Variants in ADCY2 observed in about 807,000 individuals in gnomAD.
ADCY2 encodes adenylate cyclase 2.
Under a neutral mutation model 125.2 loss-of-function variants are expected in ADCY2, and 31 were observed. The observed-to-expected ratio is 0.25, with a 90% CI of 0.19 to 0.33. The LOEUF (loss-of-function observed/expected upper bound fraction) is 0.33, where lower values mean the gene tolerates loss of function less well. Among genes scored for constraint, ADCY2 ranks in the 10% least tolerant of loss-of-function variants. The probability of loss-of-function intolerance (pLI) is 1.00; values close to 1 mark genes in which losing one functional copy is unlikely to be tolerated. For synonymous variants in ADCY2, 512 were observed against 548.4 expected, an observed-to-expected ratio of 0.93 and a Z score of 0.93; for missense variants, 904 against 1,418.2, an observed-to-expected ratio of 0.64 and a Z score of 5.82.
At chr5:7,617,288 A>G (rs1349370669) in intron 3 of ADCY2, among the ~76,000 whole-genome samples, 2 of 152,078 alleles carry the variant, frequency 1.3e-5, no homozygotes, top group Non-Finnish European at 2.9e-5. Flanking sequence ...TGTGTAAGTT[A>G]CCCAGTCTGT....
At chr5:7,574,590 C>A (rs1219375296) in intron 3 of ADCY2, among the ~76,000 whole-genome samples, 1 of 152,142 alleles carries the variant, frequency 6.6e-6, no homozygotes, top group East Asian at 1.9e-4. Context: ...TTAAAGCATC[C>A]TTAGGCAAAG....
chr5:7,777,044 T>C (rs1743753540), intron 18 of ADCY2, among the ~76,000 whole-genome samples: 1 of 136,908 alleles, frequency 7.3e-6, no homozygotes, highest in African/African-American at 2.7e-5. Flanking sequence ...TTCTCGGTAA[T>C]AAACTCCCTT....
At chr5:7,536,598 C>T (rs1734821389) in intron 3 of ADCY2, among the ~76,000 whole-genome samples, 1 of 152,142 alleles carries the variant, frequency 6.6e-6, no homozygotes, top group African/African-American at 2.4e-5. Context: ...ATTAGTTTCC[C>T]AACATTTTTA....
At chr5:7,716,558 C>T (rs1199764730) in intron 11 of ADCY2, among the ~76,000 whole-genome samples, 4 of 152,132 alleles carry the variant, frequency 2.6e-5, no homozygotes, top group Non-Finnish European at 5.9e-5. Flanking sequence ...CTTTACTATC[C>T]CAAAAACTTT....
At position 7,757,494 on chromosome 5, in the gene ADCY2, T is replaced by A. The variant is rs1560953294; in HGVS notation, c.2002T>A (p.Ser668Thr). 1 of 1,614,062 alleles carries A rather than the reference T, an allele frequency of 6.2e-7. No homozygotes were observed. The highest frequency in any genetic ancestry group is 8.5e-7 in the Non-Finnish European group (1 of 1,180,016). ...ASPLLMWLLK[S>T]SGIIANRPWP... ...TCCCCTGCTCATGTGGCTTTTGAAGTCCTCGGGCATCATTGCCAACCGCCC... is the reference window on the plus strand; with the variant it reads ...TCCCCTGCTCATGTGGCTTTTGAAGACCTCGGGCATCATTGCCAACCGCCC... Residue 668 changes from serine (S) to threonine (T), a missense_variant, in exon 16 of 25, where the codon TCC becomes ACC. This residue lies in a region of ADCY2 where 221 missense variants were observed against 246.2 expected (regional missense o/e 0.90). Transcript: ENST00000338316.
At chr5:7,483,378 A>G (rs1477922578) in intron 2 of ADCY2, among the ~76,000 whole-genome samples, 1 of 152,054 alleles carries the variant, frequency 6.6e-6, no homozygotes, top group Non-Finnish European at 1.5e-5. Context: ...TTCAGAGAAC[A>G]TGCTAGCCTT....
At chr5:7,712,777 A>G in intron 10 of ADCY2, 79 bp from the exon 11 acceptor site, 1 of 984,806 alleles carries the variant, frequency 1.0e-6, no homozygotes, top group Non-Finnish European at 1.6e-6. Context: ...AAAAGAGGAA[A>G]TATGTTTCAC....
intron 3 of ADCY2, among the ~76,000 whole-genome samples, chr5:7,621,326 G>A (rs1302460361): frequency 6.6e-6 from 1 of 152,140 alleles, no homozygotes; most frequent in Non-Finnish European, 1.5e-5. Flanking sequence ...AACTTTAAAT[G>A]ATGAAAGCAC....
intron 14 of ADCY2, among the ~76,000 whole-genome samples, chr5:7,738,983 A>G (rs997446254): frequency 1.3e-5 from 2 of 152,084 alleles, no homozygotes; most frequent in East Asian, 1.9e-4. Context: ...GATATTTAGT[A>G]TCTCTTTTCT....
At chr5:7,410,952 G>C (rs1368471026) in intron 1 of ADCY2, among the ~76,000 whole-genome samples, 3 of 152,082 alleles carry the variant, frequency 2.0e-5, no homozygotes, top group South Asian at 4.1e-4. Flanking sequence ...GGAGAGAGGA[G>C]AAGCTGTCAT....
intron 16 of ADCY2, among the ~76,000 whole-genome samples, chr5:7,761,726 CAA>C (rs975236330): frequency 6.6e-6 from 1 of 152,028 alleles, no homozygotes; most frequent in African/African-American, 2.4e-5. Flanking sequence ...AAATGAGAAA[CAA>C]ATCTGGTTTG....
At chr5:7,414,807 T>G in intron 2 of ADCY2, 37 bp downstream of exon 2, 2 of 1,552,690 alleles carry the variant, frequency 1.3e-6, no homozygotes, top group South Asian at 1.2e-5. Context: ...TTCTTTTATG[T>G]CTTGATTTGT....
chr5:7,600,531 G>A (rs1335365967), intron 3 of ADCY2, among the ~76,000 whole-genome samples: 1 of 152,184 alleles, frequency 6.6e-6, no homozygotes, highest in Non-Finnish European at 1.5e-5. Flanking sequence ...GGTCTCAGAG[G>A]GAGACGAAAG....
chr5:7,665,865 A>G (rs1221966723), intron 4 of ADCY2, among the ~76,000 whole-genome samples: 1 of 99,822 alleles, frequency 1.0e-5, no homozygotes, highest in African/African-American at 4.2e-5. Context: ...TTGAGACAGA[A>G]TCTCGCTCTG....
At chr5:7,667,638 C>A (rs1383026607) in intron 4 of ADCY2, among the ~76,000 whole-genome samples, 1 of 152,130 alleles carries the variant, frequency 6.6e-6, no homozygotes. Flanking sequence ...ATGAGGTAAC[C>A]ATTGTATATG....
At chr5:7,809,438 G>A (rs1744864260) in intron 22 of ADCY2, among the ~76,000 whole-genome samples, 1 of 152,230 alleles carries the variant, frequency 6.6e-6, no homozygotes, top group African/African-American at 2.4e-5. Flanking sequence ...AGAAATGAAT[G>A]TCACTTTTAC....
At chr5:7,780,440 C>T (rs1743881606) in intron 18 of ADCY2, among the ~76,000 whole-genome samples, 1 of 152,046 alleles carries the variant, frequency 6.6e-6, no homozygotes, top group African/African-American at 2.4e-5. Context: ...AATGGTGTAA[C>T]CAGAGGCAGG....
intron 2 of ADCY2, among the ~76,000 whole-genome samples, chr5:7,497,425 T>A (rs1336203265): frequency 6.6e-6 from 1 of 152,172 alleles, no homozygotes; most frequent in African/African-American, 2.4e-5. Flanking sequence ...TCAAAAAAAG[T>A]GTTAGCTAAC....
Position 7,452,503 on chromosome 5 carries a change from T to C in ADCY2, c.408+37733T>C, listed in dbSNP as rs145777713. Among the ~76,000 whole-genome samples, 248 of 152,368 alleles carry C rather than the reference T, an allele frequency of 1.6e-3. 2 individuals carry two copies. Among genetic ancestry groups the C allele is most frequent in the Non-Finnish European group, 2.6e-3 (180 of 68,030 alleles). On this transcript the variant is annotated intron_variant, in intron 2 of 24. Coordinates refer to ENST00000338316, the MANE Select transcript of ADCY2 (RefSeq NM_020546.3). ...CACATTTTCTTTAACCACTCATCAG[T>C]TGATGAACACTTAGGTTGGTTTCAT...
Sources: gnomAD v4.1 joint callset for allele counts (sites outside exome capture counted in the v4.1 genomes callset) on GRCh38, gnomAD v4.1.1 for gene constraint, gnomAD v4.1.1 regional missense constraint, MANE v1.5 for transcripts, NCBI Gene and HGNC (gene_info 2026-07-23, HGNC 2026-07-21) for gene names.